IL36A: variants seen among roughly 807,000 people sequenced by gnomAD.
IL36A encodes interleukin 36 alpha.
IL36A carries 13 observed loss-of-function variants against 12.7 expected under a neutral mutation model. The ratio of observed to expected loss-of-function variants is 1.02; its 90% CI spans 0.67 to 1.63. The LOEUF (loss-of-function observed/expected upper bound fraction) is 1.63. IL36A is among the 40% of genes most tolerant of loss of function. IL36A has a pLI of 0.00. For missense variants in IL36A, 195 were observed against 192.9 expected (o/e 1.01, Z -0.07); for synonymous variants, 73 against 71.9 (o/e 1.01, Z -0.08).
intron 3 of IL36A, 110 bp from the exon 4 acceptor site, chr2:113,007,722 G>A: frequency 1.2e-6 from 1 of 827,610 alleles, no homozygotes; most frequent in Non-Finnish European, 2.1e-6. Flanking sequence ...TCTCCAAGCT[G>A]CTTCAATGAG....
At chr2:113,007,556 G>A (rs1012130773) in intron 3 of IL36A, among the ~76,000 whole-genome samples, 6 of 152,062 alleles carry the variant, frequency 3.9e-5, no homozygotes, top group African/African-American at 1.4e-4. Context: ...ACAAATAATG[G>A]CCCAATCAAT....
At chr2:113,008,357 C>CTTTTT (rs780723737), downstream of IL36A, among the ~76,000 whole-genome samples, 4 of 123,378 alleles carry the variant, frequency 3.2e-5, no homozygotes, top group East Asian at 4.5e-4. Flanking sequence ...GGTGGTGACT[C>CTTTTT]TTTTTTTTTT....
chr2:113,006,635 C>A lies in IL36A; in HGVS notation c.162C>A (p.Thr54=). ...IALISCRHVE[T]LEKDRGNPIY... is the part of the protein sequence containing the mutation. ...TAATCTCATGCCGACATGTGGAGAC[C>A]CTTGAGAAAGACAGAGGGAACCCCA... The change falls in exon 3 of 4, where the codon ACC becomes ACA. Residue 54 remains threonine (T), a synonymous_variant. Coordinates refer to ENST00000259211, the MANE Select transcript of IL36A (RefSeq NM_014440.3). 1.9e-6 allele frequency: 3 copies of A among 1,614,050 alleles called. No homozygotes were observed. Among genetic ancestry groups the A allele is most frequent in the Non-Finnish European group, 2.5e-6 (3 of 1,180,010 alleles).
chr2:113,010,391 T>G (rs1381864039), downstream of IL36A, among the ~76,000 whole-genome samples: 1 of 152,230 alleles, frequency 6.6e-6, no homozygotes, highest in Non-Finnish European at 1.5e-5. Flanking sequence ...CTTCTCTGCC[T>G]TTCCCTGTGC....
In IL36A at chr2:113,005,867, C is replaced by A. The variant is rs1470456125; in HGVS notation, c.-5C>A. On this transcript the variant is annotated 5_prime_UTR_variant, in exon 1 of 4. Transcript: ENST00000259211. ...CCTTGGCAGTTCTGAAACAACACCA[C>A]CACAATGGAAAAAGGTAAAGATCCT... The A allele has an allele frequency of 1.9e-6, 3 of 1,613,940 alleles. No individual in the cohort carries two copies. Among genetic ancestry groups the A allele is most frequent in the African/African-American group, 1.3e-5 (1 of 74,902 alleles).
chr2:113,005,991 C>T lies in IL36A; in HGVS notation c.28C>T (p.Pro10Ser), dbSNP rs745391211. 3 of 1,613,518 alleles carry T rather than the reference C, an allele frequency of 1.9e-6. No individual in the cohort carries two copies. The African/African-American group carries it at 4.0e-5, about 22-fold the overall frequency. The change falls in exon 2 of 4, where the codon CCT (proline) becomes TCT (serine). Residue 10 changes from proline to serine, a missense_variant. Physicochemically the swap from Pro to Ser is moderately conservative, Grantham distance 74 (BLOSUM62 -1). Coordinates refer to ENST00000259211, the MANE Select transcript of IL36A (RefSeq NM_014440.3). MEKALKIDTPQQGSIQDINH... is the reference protein window; with the variant it reads MEKALKIDTSQQGSIQDINH... ...CTCAACAGCATTGAAAATTGACACA[C>T]CTCAGCAGGGGAGCATTCAGGATAT...
Position 113,007,871 on chromosome 2 carries a change from G to A in IL36A, c.304G>A (p.Val102Met). Reference protein sequence around the residue: ...IMDLYNQPEPVKSFLFYHSQS... With the variant: ...IMDLYNQPEPMKSFLFYHSQS... ...GGATTTGTACAACCAACCCGAGCCTGTGAAGTCCTTTCTCTTCTACCACAG... is the reference window on the plus strand; with the variant it reads ...GGATTTGTACAACCAACCCGAGCCTATGAAGTCCTTTCTCTTCTACCACAG... Residue 102 changes from valine (V) to methionine (M), a missense_variant, in exon 4 of 4, where the codon GTG (valine) becomes ATG (methionine). Val to Met is a conservative substitution (Grantham distance 21). Transcript: ENST00000259211. 6.2e-7 allele frequency: 1 copy of A among 1,614,168 alleles called. No homozygotes were observed. The highest frequency in any genetic ancestry group is 8.5e-7 in the Non-Finnish European group (1 of 1,180,016).
chr2:113,010,661 ATGCATAAAACAT>A (rs1413286238), downstream of IL36A, among the ~76,000 whole-genome samples: 37 of 152,338 alleles, frequency 2.4e-4, no homozygotes, highest in East Asian at 6.0e-3. Context: ...TTTCTTATAA[ATGCATAAAACAT>A]TGCATTTTCT....
chr2:113,006,695 G>T lies in IL36A; in HGVS notation c.222G>T (p.Leu74=), dbSNP rs560011052. ...GCCTGAATGGACTCAATCTCTGCCT[G>T]ATGTGTGCTAAAGTCGGGGACCAGC... ...YLGLNGLNLC[L]MCAKVGDQPT... The change falls in exon 3 of 4, where the codon CTG becomes CTT. Residue 74 remains leucine (L), a synonymous_variant. Coordinates refer to ENST00000259211, the MANE Select transcript of IL36A (RefSeq NM_014440.3). 6.2e-7 allele frequency: 1 copy of T among 1,614,046 alleles called. No homozygotes were observed. The highest frequency in any genetic ancestry group is 1.3e-5 in the African/African-American group (1 of 74,930).
downstream of IL36A, among the ~76,000 whole-genome samples, chr2:113,009,947 C>CT (rs1272514204): frequency 6.6e-6 from 1 of 152,132 alleles, no homozygotes; most frequent in African/African-American, 2.4e-5. Flanking sequence ...TTGAAGACTT[C>CT]TTTTTAATCC....
intron 2 of IL36A, 150 bp downstream of exon 2, chr2:113,006,237 A>C: frequency 1.5e-6 from 1 of 664,842 alleles, no homozygotes. Flanking sequence ...GGGTGAGCAT[A>C]AGGTTGTTCT....
Position 113,005,546 on chromosome 2 carries a change from G to C in IL36A, c.-326G>C, listed in dbSNP as rs1336394278. 2 of 478,870 alleles carry C rather than the reference G, an allele frequency of 4.2e-6. No homozygotes were observed. The highest frequency in any genetic ancestry group is 6.8e-5 in the Admixed American group (2 of 29,300). 29.7% of individuals were successfully genotyped at this position (478,870 alleles called of 1,614,324 possible). ...CAGATTATCAGTGTGGCCTATGCTGGAAAGTCTGGTGACCTCTGATTTTTT... is the reference window on the plus strand; with the variant it reads ...CAGATTATCAGTGTGGCCTATGCTGCAAAGTCTGGTGACCTCTGATTTTTT... On this transcript the variant is annotated 5_prime_UTR_variant, in exon 1 of 4. Coordinates refer to ENST00000259211, the MANE Select transcript of IL36A (RefSeq NM_014440.3).
chr2:113,007,891 C>A lies in IL36A; in HGVS notation c.324C>A (p.Tyr108Ter). The change falls in exon 4 of 4, where the codon TAC becomes TAA. Residue 108 changes from tyrosine (Y) to a stop codon, truncating the protein, a stop_gained. Transcript: ENST00000259211. LOFTEE classifies it low-confidence loss of function (END_TRUNC). ...QPEPVKSFLF[Y>*]HSQSGRNSTF... ...AGCCTGTGAAGTCCTTTCTCTTCTA[C>A]CACAGCCAGAGTGGCAGGAACTCCA... 6.2e-7 allele frequency: 1 copy of A among 1,614,168 alleles called. No homozygotes were observed. Among genetic ancestry groups the A allele is most frequent in the South Asian group, 1.1e-5 (1 of 91,074 alleles).
At chr2:113,010,864 C>A (rs1684715168), downstream of IL36A, among the ~76,000 whole-genome samples, 1 of 152,142 alleles carries the variant, frequency 6.6e-6, no homozygotes, top group African/African-American at 2.4e-5. Context: ...CATTGAAGAG[C>A]ATCCCTTCAT....
chr2:113,007,853 T>C lies in IL36A; in HGVS notation c.286T>C (p.Tyr96His), dbSNP rs771266973. 28 of 1,614,102 alleles carry C rather than the reference T, an allele frequency of 1.7e-5. No individual in the cohort carries two copies. Among genetic ancestry groups the C allele is most frequent in the Non-Finnish European group, 2.1e-5 (25 of 1,179,956 alleles). Residue 96 changes from tyrosine to histidine, a missense_variant, in exon 4 of 4, where the codon TAC becomes CAC. By Grantham distance (83) the Tyr-to-His change is moderately conservative. Transcript: ENST00000259211. ...TCAGGAAAAGGATATAATGGATTTG[T>C]ACAACCAACCCGAGCCTGTGAAGTC... is the stretch of plus-strand genomic sequence containing the variant. The part of the protein sequence containing the change: ...QLKEKDIMDL[Y>H]NQPEPVKSFL...
At position 113,007,911 on chromosome 2, in the gene IL36A, A is replaced by G. The variant is rs1353435990; in HGVS notation, c.344A>G (p.Asn115Ser). 3 of 1,613,928 alleles carry G rather than the reference A, an allele frequency of 1.9e-6. No homozygotes were observed. In the Admixed American group the frequency reaches 5.0e-5, roughly 27 times the overall value. ...FLFYHSQSGRNSTFESVAFPG... is the reference protein window; with the variant it reads ...FLFYHSQSGRSSTFESVAFPG... The stretch of plus-strand genomic sequence containing the variant: ...TTCTACCACAGCCAGAGTGGCAGGA[A>G]CTCCACCTTCGAGTCTGTGGCTTTC... Residue 115 changes from asparagine to serine, a missense_variant, in exon 4 of 4, where the codon AAC (asparagine) becomes AGC (serine). Coordinates refer to ENST00000259211, the MANE Select transcript of IL36A (RefSeq NM_014440.3).
downstream of IL36A, among the ~76,000 whole-genome samples, chr2:113,009,541 T>C (rs1684696720): frequency 6.6e-6 from 1 of 152,198 alleles, no homozygotes; most frequent in African/African-American, 2.4e-5. Context: ...ATGAATCAAA[T>C]GGCTTTAGTG....
At chr2:113,008,356 T>C (rs1027076784), downstream of IL36A, among the ~76,000 whole-genome samples, 9 of 144,250 alleles carry the variant, frequency 6.2e-5, no homozygotes, top group Non-Finnish European at 1.2e-4. Context: ...GGGTGGTGAC[T>C]CTTTTTTTTT....
At chr2:113,006,543 G>A (rs1056030417) in intron 2 of IL36A, 55 bp from the exon 3 acceptor site, 134 of 1,606,312 alleles carry the variant, frequency 8.3e-5, no homozygotes, top group Non-Finnish European at 1.1e-4. Context: ...CTCTGGCTCA[G>A]AGGTACCACC....
Sources: gnomAD v4.1 joint callset for allele counts (sites outside exome capture counted in the v4.1 genomes callset) on GRCh38, gnomAD v4.1.1 for gene constraint, MANE v1.5 for transcripts, NCBI Gene and HGNC (gene_info 2026-07-23, HGNC 2026-07-21) for gene names.